Variants in KIF1C observed in about 807,000 individuals in gnomAD.
The protein encoded by KIF1C is kinesin-like protein KIF1C.
Under a neutral mutation model 126.5 loss-of-function variants are expected in KIF1C, and 61 were observed. The ratio of observed to expected loss-of-function variants is 0.48; its 90% CI spans 0.39 to 0.60. The LOEUF (loss-of-function observed/expected upper bound fraction) is 0.60. Ranked by LOEUF, KIF1C falls within the 20% of genes least tolerant of loss-of-function variation. KIF1C has a pLI of 0.00. For synonymous variants in KIF1C, 640 were observed against 580.6 expected (o/e 1.10, Z -1.47); for missense variants, 1,315 against 1,489.2 (o/e 0.88, Z 1.93).
At position 5,024,302 on chromosome 17, in the gene KIF1C, C is replaced by G. The variant is rs1405314834; in HGVS notation, c.*151C>G. ...AGGTGATAGAAGACAAGGGGGAGAC[C>G]GAGCCGGAGGCTGAGGAAAGGAAGA... On this transcript the variant is annotated 3_prime_UTR_variant, in exon 23 of 23. Transcript: ENST00000320785. 2.8e-5 allele frequency: 16 copies of G among 570,880 alleles called. No individual in the cohort carries two copies. The highest frequency in any genetic ancestry group is 4.8e-5 in the Non-Finnish European group (16 of 331,066). The allele number at this position is 570,880 out of a possible 1,614,324, so 35.4% of individuals were successfully genotyped here.
Position 5,024,414 on chromosome 17 carries a change from C to A in KIF1C, c.*263C>A. The A allele has an allele frequency of 5.3e-6, 2 of 374,058 alleles. No homozygotes were observed. The highest frequency in any genetic ancestry group is 4.3e-5 in the East Asian group (1 of 23,424). 23.2% of individuals were successfully genotyped at this position (374,058 alleles called of 1,614,324 possible). ...CACCCCTTGCAAAGGGGGTGTGTCCCACAAACGCTGCTATGGGTGGGGTGG... is the reference window on the plus strand; with the variant it reads ...CACCCCTTGCAAAGGGGGTGTGTCCAACAAACGCTGCTATGGGTGGGGTGG... On this transcript the variant is annotated 3_prime_UTR_variant, in exon 23 of 23. Coordinates refer to ENST00000320785, the MANE Select transcript of KIF1C (RefSeq NM_006612.6).
In KIF1C at chr17:5,024,078, C is replaced by A. The variant is rs763743652; in HGVS notation, c.3239C>A (p.Pro1080Gln). ...CGGCCCCCAGGGCCCCGCTACCCCC[C>A]ATACACTACTCCCCCACGAATGAGA... is the stretch of plus-strand genomic sequence containing the variant. ...AQRPPGPRYP[P>Q]YTTPPRMRRQ... Residue 1080 changes from proline to glutamine, a missense_variant, in exon 23 of 23, where the codon CCA becomes CAA. This residue lies in a region of KIF1C where 441 missense variants were observed against 436.1 expected (regional missense o/e 1.01). Coordinates refer to ENST00000320785, the MANE Select transcript of KIF1C (RefSeq NM_006612.6). 6.2e-6 allele frequency: 10 copies of A among 1,606,510 alleles called. No homozygotes were observed. The highest frequency in any genetic ancestry group is 1.3e-5 in the African/African-American group (1 of 74,758).
Position 5,023,808 on chromosome 17 carries a change from C to G in KIF1C, c.2969C>G (p.Ser990Cys), listed in dbSNP as rs1382332110. Reference sequence around the variant, plus strand: ...AAGAGCAACCCCCAGCACCGGGAGTCTTGGCCAGGGATGGGGAGCGGGGAG... The same window carrying G: ...AAGAGCAACCCCCAGCACCGGGAGTGTTGGCCAGGGATGGGGAGCGGGGAG... ...PFKSNPQHRE[S>C]WPGMGSGEAP... The change falls in exon 23 of 23, where the codon TCT becomes TGT. Residue 990 changes from serine to cysteine, a missense_variant. This residue lies in a region of KIF1C where 441 missense variants were observed against 436.1 expected (regional missense o/e 1.01). Coordinates refer to ENST00000320785, the MANE Select transcript of KIF1C (RefSeq NM_006612.6). This position sits in a 1 kb window ranked among gnomAD's most constrained non-coding sequence, Gnocchi z 4.2. The G allele has an allele frequency of 6.6e-7, 1 of 1,518,886 alleles. No individual in the cohort carries two copies. Among genetic ancestry groups the G allele is most frequent in the Non-Finnish European group, 8.8e-7 (1 of 1,135,172 alleles). 94.1% of individuals were successfully genotyped at this position (1,518,886 alleles called of 1,614,324 possible). A position where few individuals can be genotyped will look rare whatever the true frequency, so the allele number is the denominator to read the frequency against.
chr17:5,019,708 T>C (rs1975048620), intron 18 of KIF1C: 1 of 441,912 alleles, frequency 2.3e-6, no homozygotes, highest in South Asian at 2.7e-5. Context: ...ATGAATCCTT[T>C]TGACAATTAC....
At position 5,004,914 on chromosome 17, in the gene KIF1C, C is replaced by A. The variant is rs921300827; in HGVS notation, c.1079C>A (p.Ala360Asp). ...CNAIINEDPNARLIRELQEEV... is the reference protein window; with the variant it reads ...CNAIINEDPNDRLIRELQEEV... The stretch of plus-strand genomic sequence containing the variant: ...GCCATCATCAACGAGGACCCTAATG[C>A]CCGGCTGATTAGAGAGCTGCAGGAG... Residue 360 changes from alanine (A) to aspartate (D), a missense_variant, in exon 13 of 23, where the codon GCC becomes GAC. Transcript: ENST00000320785. 2.5e-5 allele frequency: 40 copies of A among 1,614,134 alleles called. No individual in the cohort carries two copies. The highest frequency in any genetic ancestry group is 3.2e-5 in the Non-Finnish European group (38 of 1,180,064).
At chr17:5,016,883 G>A (rs1253404576) in intron 18 of KIF1C, among the ~76,000 whole-genome samples, 2 of 150,006 alleles carry the variant, frequency 1.3e-5, no homozygotes, top group African/African-American at 4.9e-5. Flanking sequence ...TCCAGCCTGG[G>A]TGACAGAGTG....
intron 4 of KIF1C, 93 bp from the exon 5 acceptor site, chr17:5,001,129 G>C (rs186750082): frequency 6.0e-6 from 8 of 1,335,898 alleles, no homozygotes; most frequent in Admixed American, 1.8e-5. Flanking sequence ...TTGGGGAATC[G>C]TCAGTGATGG....
Position 5,006,619 on chromosome 17 carries a change from A to C in KIF1C, c.1166-296A>C, listed in dbSNP as rs571402786. 2.0e-4 allele frequency among the ~76,000 whole-genome samples: 30 copies of C among 152,260 alleles called. 1 individual carries two copies. Among genetic ancestry groups the C allele is most frequent in the African/African-American group, 6.7e-4 (28 of 41,558 alleles). The stretch of plus-strand genomic sequence containing the variant: ...CCAAAGTGCTGGGATTACAGGTGTG[A>C]GTCACCACACCTAGCCCCACCTAAG... On this transcript the variant is annotated intron_variant, in intron 13 of 22. Transcript: ENST00000320785.
At chr17:5,012,857 A>G (rs1252708480) in intron 16 of KIF1C, among the ~76,000 whole-genome samples, 2 of 152,178 alleles carry the variant, frequency 1.3e-5, no homozygotes, top group Non-Finnish European at 2.9e-5. Flanking sequence ...TATAATGGAA[A>G]CAAGTCAGGA....
In KIF1C at chr17:5,003,903, C is replaced by T. The variant is rs1457719530; in HGVS notation, c.851C>T (p.Ala284Val). The change falls in exon 10 of 23, where the codon GCC becomes GTC. Residue 284 changes from alanine (A) to valine (V), a missense_variant. Ala to Val is a moderately conservative substitution (Grantham distance 64, BLOSUM62 0). Around this residue, in one of 2 missense-constraint regions of KIF1C, gnomAD observed 874 missense variants for 1,053.2 expected, o/e 0.83. Coordinates refer to ENST00000320785, the MANE Select transcript of KIF1C (RefSeq NM_006612.6). Reference protein sequence around the residue: ...SLTTLGKVISALADMQSKKRK... With the variant: ...SLTTLGKVISVLADMQSKKRK... ...ACTACACTAGGGAAAGTGATCTCGG[C>T]CCTTGCAGATATGGTGAGACCTGGG... 2.5e-6 allele frequency: 4 copies of T among 1,613,768 alleles called. No individual in the cohort carries two copies. The highest frequency in any genetic ancestry group is 3.4e-6 in the Non-Finnish European group (4 of 1,179,858).
Position 5,022,057 on chromosome 17 carries a change from T to C in KIF1C, c.2011-35T>C, listed in dbSNP as rs1975100644. The stretch of plus-strand genomic sequence containing the variant: ...AAGACACATGGGCTCTGGATGTCCT[T>C]AGCCCTCTCTTCCTCTTTCTTTCTC... On this transcript the variant is annotated intron_variant, in intron 21 of 22. Transcript: ENST00000320785. This position sits in a 1 kb window ranked among gnomAD's most constrained non-coding sequence, Gnocchi z 4.9. The C allele has an allele frequency of 6.4e-7, 1 of 1,564,572 alleles. No homozygotes were observed. Among genetic ancestry groups the C allele is most frequent in the African/African-American group, 1.3e-5 (1 of 74,100 alleles).
At chr17:5,002,943 T>A in intron 8 of KIF1C, 101 bp downstream of exon 8, 1 of 895,700 alleles carries the variant, frequency 1.1e-6, no homozygotes, top group Non-Finnish European at 1.7e-6. Flanking sequence ...CTGCCCATGC[T>A]GGGTTGAGTG....
At position 5,022,571 on chromosome 17, in the gene KIF1C, G is replaced by T; in HGVS notation, c.2490G>T (p.Val830=). 1 of 1,598,168 alleles carries T rather than the reference G, an allele frequency of 6.3e-7. No individual in the cohort carries two copies. The highest frequency in any genetic ancestry group is 1.7e-5 in the Admixed American group (1 of 57,248). ...AGGAGGGAGCCCGAGGGGCGGAGGT[G>T]GAGGACCTCCGGGCCCACATCGACA... ...GSEEGARGAE[V]EDLRAHIDKL... The change falls in exon 22 of 23, where the codon GTG becomes GTT. Residue 830 remains valine (V), a synonymous_variant. Transcript: ENST00000320785. This position sits in a 1 kb window ranked among gnomAD's most constrained non-coding sequence, Gnocchi z 4.9.
intron 18 of KIF1C, chr17:5,019,224 AT>A (rs1416546026): frequency 1.8e-5 from 3 of 167,674 alleles, no homozygotes; most frequent in Non-Finnish European, 4.4e-5. Flanking sequence ...TTTGCATGTT[AT>A]TTTATGGTTT....
chr17:5,008,564 C>A (rs1974787611), intron 16 of KIF1C, among the ~76,000 whole-genome samples: 1 of 152,242 alleles, frequency 6.6e-6, no homozygotes, highest in Admixed American at 6.5e-5. Context: ...CAGAAGAAGG[C>A]TCCTCTCTGT....
At position 4,997,993 on chromosome 17, in the gene KIF1C, T is replaced by A. The variant is rs557913448; in HGVS notation, c.-312T>A. 6.8e-6 allele frequency: 1 copy of A among 146,470 alleles called. No individual in the cohort carries two copies. The highest frequency in any genetic ancestry group is 1.5e-5 in the Non-Finnish European group (1 of 66,066). 9.1% of individuals were successfully genotyped at this position (146,470 alleles called of 1,614,324 possible). A position where few individuals can be genotyped will look rare whatever the true frequency, so the allele number is the denominator to read the frequency against. On this transcript the variant is annotated 5_prime_UTR_variant, in exon 1 of 23. Coordinates refer to ENST00000320785, the MANE Select transcript of KIF1C (RefSeq NM_006612.6). ...GGGCGCCGGCCGCTGGCGCCGCTAC[T>A]GCTGCCGCCCCCGGGGCGCGAGTCC... is the stretch of plus-strand genomic sequence containing the variant.
At position 5,024,512 on chromosome 17, in the gene KIF1C, G is replaced by A. The variant is rs1975171826; in HGVS notation, c.*361G>A. ...GGGAAAGTGGGAGAGGACTGAGAGT[G>A]AGGCAAGTTCTCCCCAGCCCCTGTC... is the stretch of plus-strand genomic sequence containing the variant. On this transcript the variant is annotated 3_prime_UTR_variant, in exon 23 of 23. Transcript: ENST00000320785. 2 of 223,630 alleles carry A rather than the reference G, an allele frequency of 8.9e-6. No individual in the cohort carries two copies. The highest frequency in any genetic ancestry group is 5.6e-5 in the Admixed American group (1 of 17,936). The allele number at this position is 223,630 out of a possible 1,614,324, so 13.9% of individuals were successfully genotyped here. A position where few individuals can be genotyped will look rare whatever the true frequency, so the allele number is the denominator to read the frequency against.
At position 5,012,736 on chromosome 17, in the gene KIF1C, C is replaced by G. The variant is rs551345466; in HGVS notation, c.1492-917C>G. On this transcript the variant is annotated intron_variant, in intron 16 of 22. Transcript: ENST00000320785. ...GGAGAGGTGTGTGGCACGGCAGCAG[C>G]TGGCAGGAAGGGAGACTTCCCCAGG... 2.6e-5 allele frequency among the ~76,000 whole-genome samples: 4 copies of G among 152,260 alleles called. No homozygotes were observed. In the East Asian group the frequency reaches 7.7e-4, roughly 29 times the overall value.
In KIF1C at chr17:5,007,543, G is replaced by T; in HGVS notation, c.1491+1G>T. 2 of 1,546,376 alleles carry T rather than the reference G, an allele frequency of 1.3e-6. No individual in the cohort carries two copies. The highest frequency in any genetic ancestry group is 1.7e-6 in the Non-Finnish European group (2 of 1,148,160). ...TGTGGGCGTCTTCTCTCCAAAGAAG[G>T]TGAGTGAGGAATCGAGCGAGGAGGC... On this transcript the variant is annotated splice_donor_variant, in intron 16 of 22. Coordinates refer to ENST00000320785, the MANE Select transcript of KIF1C (RefSeq NM_006612.6). LOFTEE classifies it high-confidence loss of function.
Sources: allele counts gnomAD v4.1 joint callset (sites outside exome capture counted in the v4.1 genomes callset), GRCh38; gene constraint gnomAD v4.1.1; regional missense constraint gnomAD v4.1.1; non-coding constraint Gnocchi (gnomAD v3.1); transcripts MANE v1.5; gene names NCBI Gene and HGNC (gene_info 2026-07-23, HGNC 2026-07-21).